The following CAPZA1 variants were observed in gnomAD, a reference collection of about 807,000 sequenced individuals.
CAPZA1 encodes F-actin-capping protein subunit alpha-1.
A neutral mutation model predicts 40.8 loss-of-function variants in CAPZA1; 10 were observed. The ratio of observed to expected loss-of-function variants is 0.25; its 90% CI spans 0.15 to 0.42. CAPZA1 has a LOEUF of 0.42. Among genes scored for constraint, CAPZA1 ranks in the 10% least tolerant of loss-of-function variants. CAPZA1 has a pLI of 1.00. For synonymous variants in CAPZA1, 98 were observed against 115.0 expected, an observed-to-expected ratio of 0.85 and a Z score of 0.95; for missense variants, 277 against 353.8, an observed-to-expected ratio of 0.78 and a Z score of 1.74.
intron 2 of CAPZA1, among the ~76,000 whole-genome samples, chr1:112,648,451 G>A (rs1287827753): frequency 6.7e-6 from 1 of 149,678 alleles, no homozygotes; most frequent in Non-Finnish European, 1.5e-5. Flanking sequence ...CAAGTAGCTG[G>A]GACTACAGGT....
chr1:112,649,564 A>G, intron 3 of CAPZA1, 95 bp downstream of exon 3: 1 of 1,005,370 alleles, frequency 9.9e-7, no homozygotes, highest in Non-Finnish European at 1.5e-6. Flanking sequence ...AGTTTAAAAT[A>G]CTTCAAAGTA....
chr1:112,624,633 AG>A (rs1670770497), intron 1 of CAPZA1, among the ~76,000 whole-genome samples: 9 of 129,504 alleles, frequency 6.9e-5, no homozygotes, highest in African/African-American at 1.9e-4. Flanking sequence ...AAAAAAAAAG[AG>A]GTATTATGAT....
intron 1 of CAPZA1, among the ~76,000 whole-genome samples, chr1:112,633,271 C>T (rs1033008163): frequency 6.6e-6 from 1 of 152,104 alleles, no homozygotes; most frequent in Non-Finnish European, 1.5e-5. Flanking sequence ...TGGTAACCAC[C>T]ATTCTATTCT....
chr1:112,640,195 T>C (rs1570709195), intron 1 of CAPZA1, among the ~76,000 whole-genome samples: 1 of 79,832 alleles, frequency 1.3e-5, no homozygotes, highest in Non-Finnish European at 2.5e-5. Context: ...GGTGGGGGGG[T>C]CAGCCCCCCG....
At position 112,649,469 on chromosome 1, in the gene CAPZA1, A is replaced by G. The variant is rs200308411; in HGVS notation, c.155A>G (p.His52Arg). The G allele has an allele frequency of 4.1e-5, 66 of 1,608,154 alleles. No homozygotes were observed. The highest frequency in any genetic ancestry group is 1.4e-5 in the Non-Finnish European group (16 of 1,175,212). The change falls in exon 3 of 10, where the codon CAT becomes CGT. Residue 52 changes from histidine to arginine, a missense_variant and splice_region_variant. Physicochemically the swap from His to Arg is conservative, Grantham distance 29 (BLOSUM62 0). This residue lies in a region of CAPZA1 where 85 missense variants were observed against 76.5 expected (regional missense o/e 1.11). Coordinates refer to ENST00000263168, the MANE Select transcript of CAPZA1 (RefSeq NM_006135.3). The part of the protein sequence containing the change: ...NDNLLREGAA[H>R]AFAQYNMDQF... The stretch of plus-strand genomic sequence containing the variant: ...AATCTCCTCAGGGAAGGGGCAGCAC[A>G]GTAAGTATCTTTCCAAATCCACTTA...
At chr1:112,650,602 C>A (rs1354907828) in intron 3 of CAPZA1, among the ~76,000 whole-genome samples, 1 of 152,192 alleles carries the variant, frequency 6.6e-6, no homozygotes, top group Non-Finnish European at 1.5e-5. Flanking sequence ...CTGAATGCTT[C>A]TAATAATAAG....
chr1:112,664,935 C>CA (rs922316049), intron 7 of CAPZA1, among the ~76,000 whole-genome samples: 13 of 151,044 alleles, frequency 8.6e-5, no homozygotes, highest in Admixed American at 6.6e-4. Flanking sequence ...GACTCTGTCT[C>CA]AAAAAAAAGG....
chr1:112,653,024 C>T (rs1671426164), intron 3 of CAPZA1, among the ~76,000 whole-genome samples: 1 of 152,190 alleles, frequency 6.6e-6, no homozygotes, highest in South Asian at 2.1e-4. Flanking sequence ...TGCCTTCTGA[C>T]ATTTAATTAT....
At chr1:112,667,255 A>T in intron 8 of CAPZA1, 110 bp downstream of exon 8, 1 of 782,382 alleles carries the variant, frequency 1.3e-6, no homozygotes, top group Non-Finnish European at 2.1e-6. Context: ...TTTGCTTTTA[A>T]TGTTTTGATT....
chr1:112,629,470 GCTAGTGAGTCA>G (rs1199083894), intron 1 of CAPZA1, among the ~76,000 whole-genome samples: 1 of 152,184 alleles, frequency 6.6e-6, no homozygotes, highest in Non-Finnish European at 1.5e-5. Context: ...AGGACAGTAT[GCTAGTGAGTCA>G]CCATTGCCTA....
At chr1:112,664,662 G>A (rs144234818) in intron 7 of CAPZA1, among the ~76,000 whole-genome samples, 10 of 152,222 alleles carry the variant, frequency 6.6e-5, no homozygotes, top group East Asian at 1.9e-4. Flanking sequence ...GTGGCCTAGC[G>A]CAGTGGCTCA....
At chr1:112,640,139 G>A (rs1318004327) in intron 1 of CAPZA1, among the ~76,000 whole-genome samples, 1 of 122,846 alleles carries the variant, frequency 8.1e-6, no homozygotes, top group Admixed American at 7.6e-5. Context: ...GGAGGGAGGT[G>A]GGGGGATCAG....
At chr1:112,633,382 C>T (rs1670958936) in intron 1 of CAPZA1, among the ~76,000 whole-genome samples, 1 of 152,164 alleles carries the variant, frequency 6.6e-6, no homozygotes, top group Non-Finnish European at 1.5e-5. Context: ...TAGCATATAT[C>T]TTTCAGGTCC....
chr1:112,646,677 A>G (rs1455367055), intron 1 of CAPZA1: 2 of 151,336 alleles, frequency 1.3e-5, no homozygotes, highest in Non-Finnish European at 2.9e-5. Flanking sequence ...AAAGGTGTTT[A>G]TTTTATATCT....
chr1:112,647,694 AT>A (rs1335771693), intron 2 of CAPZA1, among the ~76,000 whole-genome samples: 2 of 152,356 alleles, frequency 1.3e-5, no homozygotes, highest in Non-Finnish European at 2.9e-5. Flanking sequence ...TGGGGAGCTT[AT>A]TAAATATGCA....
At chr1:112,634,320 A>G (rs918876442) in intron 1 of CAPZA1, among the ~76,000 whole-genome samples, 1 of 152,220 alleles carries the variant, frequency 6.6e-6, no homozygotes, top group African/African-American at 2.4e-5. Flanking sequence ...CTTTAAGTAT[A>G]CCCTATTTGG....
At chr1:112,655,824 A>G (rs1479005132) in intron 5 of CAPZA1, among the ~76,000 whole-genome samples, 1 of 152,108 alleles carries the variant, frequency 6.6e-6, no homozygotes, top group Non-Finnish European at 1.5e-5. Flanking sequence ...CGGACTCCCA[A>G]AGTGCTGGGA....
At position 112,667,102 on chromosome 1, in the gene CAPZA1, A is replaced by G. The variant is rs1489373654; in HGVS notation, c.614A>G (p.Gln205Arg). 3.1e-6 allele frequency: 5 copies of G among 1,612,654 alleles called. No individual in the cohort carries two copies. The highest frequency in any genetic ancestry group is 1.3e-5 in the African/African-American group (1 of 74,918). Residue 205 changes from glutamine to arginine, a missense_variant, in exon 8 of 10, where the codon CAG becomes CGG. Transcript: ENST00000263168. ...QVHYYEDGNV[Q>R]LVSHKDVQDS... Reference sequence around the variant, plus strand: ...CACTATTATGAAGATGGCAATGTTCAGTTGGTTAGTCATAAAGATGTACAG... The same window carrying G: ...CACTATTATGAAGATGGCAATGTTCGGTTGGTTAGTCATAAAGATGTACAG...
At chr1:112,641,219 A>T (rs1007954404) in intron 1 of CAPZA1, among the ~76,000 whole-genome samples, 29 of 98,108 alleles carry the variant, frequency 3.0e-4, no homozygotes, top group Admixed American at 4.8e-4. Context: ...AATGATCAAT[A>T]AAAAAAAAAA....
Sources: gnomAD v4.1 joint callset for allele counts (sites outside exome capture counted in the v4.1 genomes callset) on GRCh38, gnomAD v4.1.1 for gene constraint, gnomAD v4.1.1 regional missense constraint, MANE v1.5 for transcripts, NCBI Gene and HGNC (gene_info 2026-07-23, HGNC 2026-07-21) for gene names.